The following IL1RAPL1 variants were observed in gnomAD, a reference collection of about 807,000 sequenced individuals.
IL1RAPL1 encodes interleukin-1 receptor accessory protein-like 1.
Under a neutral mutation model 48.4 loss-of-function variants are expected in IL1RAPL1, and 3 were observed. The observed-to-expected ratio is 0.06, with a 90% CI of 0.03 to 0.16. The LOEUF is 0.16. Among genes scored for constraint, IL1RAPL1 ranks in the 10% least tolerant of loss-of-function variants. IL1RAPL1 has a pLI of 1.00. For missense variants in IL1RAPL1, 349 were observed against 530.6 expected, an observed-to-expected ratio of 0.66 and a Z score of 3.36; for synonymous variants, 185 against 187.7, an observed-to-expected ratio of 0.99 and a Z score of 0.12.
chrX:29,488,670 T>C (rs915209680), intron 5 of IL1RAPL1, among the ~76,000 whole-genome samples: 3 of 110,105 alleles, frequency 2.7e-5, no homozygotes, highest in Admixed American at 9.6e-5. Context: ...AGGTGGTGCA[T>C]ATATAACTAT....
chrX:29,428,174 G>A (rs1934371995), intron 5 of IL1RAPL1, among the ~76,000 whole-genome samples: 1 of 111,761 alleles, frequency 8.9e-6, no homozygotes, highest in Non-Finnish European at 1.9e-5. Flanking sequence ...AAGCCTGCAA[G>A]GTTGGTGTGT....
intron 1 of IL1RAPL1, among the ~76,000 whole-genome samples, chrX:28,749,927 GA>G (rs1190431997): frequency 1.9e-5 from 2 of 103,107 alleles, no homozygotes; most frequent in Non-Finnish European, 3.9e-5. Flanking sequence ...GAAAAAAAAA[GA>G]AAAAAAAAGA....
At chrX:28,862,007 T>G (rs1921957839) in intron 2 of IL1RAPL1, among the ~76,000 whole-genome samples, 1 of 111,437 alleles carries the variant, frequency 9.0e-6, no homozygotes, top group South Asian at 3.7e-4. Context: ...CGAGGAGTTT[T>G]TTTAAAGAGA....
rs1475797994 is a variant in IL1RAPL1, at chrX:29,310,139, AAAAAAAAAAC to A, written c.362+26930_362+26939del. On this transcript the variant is annotated intron_variant, in intron 3 of 10. Transcript: ENST00000378993. ...AAAAAAAAAAAAAAAAGAAAGGAAA[AAAAAAAAAAC>A]AAAAAAAGGGTAAGTCGGGAGCTTA... 8.1e-4 allele frequency among the ~76,000 whole-genome samples: 81 copies of A among 99,851 alleles called. 8 individuals carry two copies. Among genetic ancestry groups the A allele is most frequent in the African/African-American group, 2.9e-3 (75 of 26,087 alleles). The allele number at this position is 99,851 out of a possible 115,157, so 86.7% of individuals were successfully genotyped here.
At chrX:29,824,218 C>G (rs1165122002) in intron 6 of IL1RAPL1, among the ~76,000 whole-genome samples, 1 of 111,588 alleles carries the variant, frequency 9.0e-6, no homozygotes, top group Non-Finnish European at 1.9e-5. Flanking sequence ...CTTAAGCTCT[C>G]TCTGCCTTAC....
intron 6 of IL1RAPL1, among the ~76,000 whole-genome samples, chrX:29,758,636 C>T (rs1928673899): frequency 9.3e-6 from 1 of 108,051 alleles, no homozygotes; most frequent in Non-Finnish European, 1.9e-5. Context: ...GCGGAGGTTG[C>T]AGTGAGCCGA....
At chrX:29,192,566 T>C (rs1930372251) in intron 2 of IL1RAPL1, among the ~76,000 whole-genome samples, 1 of 112,236 alleles carries the variant, frequency 8.9e-6, no homozygotes, top group Non-Finnish European at 1.9e-5. Flanking sequence ...AACAATTCTA[T>C]TCTCAACATT....
chrX:29,201,493 A>G (rs1209702715), intron 2 of IL1RAPL1, among the ~76,000 whole-genome samples: 1 of 111,666 alleles, frequency 9.0e-6, no homozygotes, highest in Non-Finnish European at 1.9e-5. Context: ...AAGGATTTGT[A>G]TATTTTTAAG....
intron 2 of IL1RAPL1, among the ~76,000 whole-genome samples, chrX:28,966,533 C>A (rs981297315): frequency 9.0e-6 from 1 of 111,450 alleles, no homozygotes; most frequent in South Asian, 3.8e-4. Flanking sequence ...ACTCTCCCCC[C>A]TCCTCTTGTT....
chrX:29,724,685 A>G (rs1927730461), intron 6 of IL1RAPL1, among the ~76,000 whole-genome samples: 1 of 112,031 alleles, frequency 8.9e-6, no homozygotes, highest in Non-Finnish European at 1.9e-5. Flanking sequence ...ACCACTTATT[A>G]ACAGCACGTT....
intron 2 of IL1RAPL1, among the ~76,000 whole-genome samples, chrX:28,943,999 A>G (rs1325361248): frequency 9.0e-6 from 1 of 111,436 alleles, no homozygotes; most frequent in Non-Finnish European, 1.9e-5. Context: ...GTCACTGTGA[A>G]GGTAAAATAA....
chrX:28,936,934 G>A (rs1289832500), intron 2 of IL1RAPL1, among the ~76,000 whole-genome samples: 1 of 111,069 alleles, frequency 9.0e-6, no homozygotes, highest in Non-Finnish European at 1.9e-5. Flanking sequence ...TCAGAAACAT[G>A]GCCTCCAATA....
At chrX:28,681,088 C>T (rs1178575024) in intron 1 of IL1RAPL1, among the ~76,000 whole-genome samples, 1 of 111,383 alleles carries the variant, frequency 9.0e-6, no homozygotes, top group Non-Finnish European at 1.9e-5. Context: ...GATTGAATCT[C>T]CTTATTTGTT....
chrX:29,101,218 T>A (rs1023103450), intron 2 of IL1RAPL1, among the ~76,000 whole-genome samples: 1 of 112,176 alleles, frequency 8.9e-6, no homozygotes, highest in African/African-American at 3.2e-5. Flanking sequence ...GAGGCTACTA[T>A]GAGCAACTAT....
At chrX:28,649,664 C>T (rs1173390984) in intron 1 of IL1RAPL1, among the ~76,000 whole-genome samples, 1 of 112,330 alleles carries the variant, frequency 8.9e-6, no homozygotes, top group Non-Finnish European at 1.9e-5. Flanking sequence ...TTGGGAAATG[C>T]TGTATTAAGC....
At chrX:29,487,925 T>C (rs908740321) in intron 5 of IL1RAPL1, among the ~76,000 whole-genome samples, 1 of 112,194 alleles carries the variant, frequency 8.9e-6, no homozygotes, top group East Asian at 2.8e-4. Flanking sequence ...GGTATCTTTC[T>C]TCTCTTATGT....
At chrX:28,701,742 G>T (rs1035211778) in intron 1 of IL1RAPL1, among the ~76,000 whole-genome samples, 2 of 111,275 alleles carry the variant, frequency 1.8e-5, no homozygotes, top group Non-Finnish European at 3.8e-5. Context: ...TTTATCTGTG[G>T]CTTTTAAGAT....
intron 8 of IL1RAPL1, among the ~76,000 whole-genome samples, chrX:29,926,607 G>GTGA (rs1005767548): frequency 8.9e-6 from 1 of 112,080 alleles, no homozygotes; most frequent in Non-Finnish European, 1.9e-5. Context: ...TGTATTCTGA[G>GTGA]TGATCTAAAC....
intron 2 of IL1RAPL1, among the ~76,000 whole-genome samples, chrX:29,045,553 T>C (rs1050554378): frequency 9.0e-6 from 1 of 111,529 alleles, no homozygotes; most frequent in African/African-American, 3.3e-5. Flanking sequence ...GTAGCCTCAA[T>C]TTCCTAGGCT....
Sources: gnomAD v4.1 joint callset for allele counts (sites outside exome capture counted in the v4.1 genomes callset) on GRCh38, gnomAD v4.1.1 for gene constraint, MANE v1.5 for transcripts, NCBI Gene and HGNC (gene_info 2026-07-23, HGNC 2026-07-21) for gene names.